The following ERMP1 variants were observed in gnomAD, a reference collection of about 807,000 sequenced individuals.
ERMP1 encodes the protein endoplasmic reticulum metallopeptidase 1.
In ERMP1, 86 loss-of-function variants were observed where a neutral mutation model predicts 92.0. That is an observed-to-expected ratio of 0.93 (90% CI 0.79 to 1.12). The LOEUF (loss-of-function observed/expected upper bound fraction) is 1.12. ERMP1 is among the 50% of genes most tolerant of loss of function. The probability of loss-of-function intolerance (pLI) is 0.00; values close to 1 mark genes in which losing one functional copy is unlikely to be tolerated. For missense variants in ERMP1, 1,342 were observed against 1,116.3 expected, an observed-to-expected ratio of 1.20 and a Z score of -2.88; for synonymous variants, 530 against 412.8, an observed-to-expected ratio of 1.28 and a Z score of -3.44.
At chr9:5,802,012 TCA>T (rs1262528510) in intron 10 of ERMP1, among the ~76,000 whole-genome samples, 1 of 152,220 alleles carries the variant, frequency 6.6e-6, no homozygotes, top group Non-Finnish European at 1.5e-5. Flanking sequence ...CACACACGAC[TCA>T]CAGAGTATGT....
chr9:5,792,080 T>TACC (rs1301713862), intron 13 of ERMP1, among the ~76,000 whole-genome samples: 1 of 152,160 alleles, frequency 6.6e-6, no homozygotes, highest in Non-Finnish European at 1.5e-5. Context: ...GTATCACTCA[T>TACC]ACCAGAAGTA....
intron 6 of ERMP1, among the ~76,000 whole-genome samples, chr9:5,858,353 G>A (rs1563784955): frequency 6.6e-6 from 1 of 152,192 alleles, no homozygotes; most frequent in Non-Finnish European, 1.5e-5. Context: ...TGAGCTCACA[G>A]GAGGGTAAGA....
At chr9:5,832,508 C>T in intron 1 of ERMP1, 182 bp downstream of exon 1, 1 of 496,774 alleles carries the variant, frequency 2.0e-6, no homozygotes. Flanking sequence ...AGCCCCAAGT[C>T]CCGGCAATTC....
At chr9:5,855,448 A>T (rs1830362420) in intron 6 of ERMP1, among the ~76,000 whole-genome samples, 2 of 152,346 alleles carry the variant, frequency 1.3e-5, no homozygotes, top group South Asian at 4.1e-4. Context: ...TGAGGGGATG[A>T]GGAGAACCAA....
At chr9:5,821,188 C>A (rs1341678119) in intron 4 of ERMP1, among the ~76,000 whole-genome samples, 1 of 152,166 alleles carries the variant, frequency 6.6e-6, no homozygotes, top group African/African-American at 2.4e-5. Flanking sequence ...TTAAAGTGAT[C>A]ATATACATTG....
intron 10 of ERMP1, among the ~76,000 whole-genome samples, chr9:5,803,262 A>G (rs771126889): frequency 6.6e-6 from 1 of 152,220 alleles, no homozygotes; most frequent in African/African-American, 2.4e-5. Flanking sequence ...AAAGAGTGAT[A>G]ACTCATGGCA....
chr9:5,824,226 G>A (rs1016113560), intron 3 of ERMP1, among the ~76,000 whole-genome samples: 1 of 152,164 alleles, frequency 6.6e-6, no homozygotes, highest in Non-Finnish European at 1.5e-5. Flanking sequence ...GCAGCCTGGT[G>A]ACCATCAGCG....
chr9:5,832,625 C>T (rs1829992993), intron 1 of ERMP1, 65 bp downstream of exon 1: 1 of 1,260,968 alleles, frequency 7.9e-7, no homozygotes, highest in South Asian at 1.8e-5. Context: ...AGGTGCGGTG[C>T]CCCGGAGCCT....
intron 5 of ERMP1, among the ~76,000 whole-genome samples, chr9:5,866,445 G>C (rs1187016013): frequency 1.3e-5 from 2 of 152,144 alleles, no homozygotes; most frequent in Admixed American, 6.5e-5. Context: ...ACACAGCCTG[G>C]GGGCTGTGCG....
intron 5 of ERMP1, among the ~76,000 whole-genome samples, chr9:5,867,000 G>A (rs1830688860): frequency 6.6e-6 from 1 of 152,194 alleles, no homozygotes; most frequent in Non-Finnish European, 1.5e-5. Context: ...GAACCCAGGA[G>A]TTTGAGCAAC....
At chr9:5,791,918 G>C (rs1828213607) in intron 13 of ERMP1, among the ~76,000 whole-genome samples, 1 of 152,182 alleles carries the variant, frequency 6.6e-6, no homozygotes. Context: ...AAGATGGTCA[G>C]TGTTACAACA....
Position 5,797,929 on chromosome 9 carries a change from T to G in ERMP1, c.2274A>C (p.Lys758Asn). The change falls in exon 13 of 15, where the codon AAA becomes AAC. Residue 758 changes from lysine to asparagine, a missense_variant. Transcript: ENST00000339450. ...WYLPVHFLIR[K>N]NWYLPAPEVS... ...CTTCTGGGGCAGGAAGATACCAGTT[T>G]TTCCTATTTAGAAAGGAAGCTTCAG... 6.2e-7 allele frequency: 1 copy of G among 1,600,870 alleles called. No homozygotes were observed. Among genetic ancestry groups the G allele is most frequent in the Non-Finnish European group, 8.6e-7 (1 of 1,169,020 alleles).
At chr9:5,862,123 G>A (rs1830518090) in intron 5 of ERMP1, among the ~76,000 whole-genome samples, 1 of 151,984 alleles carries the variant, frequency 6.6e-6, no homozygotes, top group Non-Finnish European at 1.5e-5. Flanking sequence ...TCTACCTCCT[G>A]GGCCCAAGTG....
intron 6 of ERMP1, among the ~76,000 whole-genome samples, chr9:5,846,304 C>T (rs564462100): frequency 1.2e-4 from 18 of 152,256 alleles, no homozygotes; most frequent in East Asian, 5.8e-4. Context: ...ACCCCTCCCC[C>T]GCCACCCACC....
intron 4 of ERMP1, among the ~76,000 whole-genome samples, chr9:5,815,803 A>C (rs1032677970): frequency 6.6e-6 from 1 of 152,200 alleles, no homozygotes; most frequent in Admixed American, 6.5e-5. Context: ...TATCATTAAT[A>C]ATGAGACAAA....
chr9:5,852,012 A>C lies in ERMP1; in HGVS notation n.3199+7456T>G, dbSNP rs956446203. Among the ~76,000 whole-genome samples, 4 of 152,328 alleles carry C rather than the reference A, an allele frequency of 2.6e-5. No individual in the cohort carries two copies. In the East Asian group the frequency reaches 5.8e-4, roughly 22 times the overall value. On this transcript the variant is annotated intron_variant and non_coding_transcript_variant, in intron 6 of 6. Transcript: ENST00000690753. ...ATAAATAAAAAAGCTCCCATTTCAAAGTAAAAATGAAATCTAAGATTATAT... is the reference window on the plus strand; with the variant it reads ...ATAAATAAAAAAGCTCCCATTTCAACGTAAAAATGAAATCTAAGATTATAT...
intron 13 of ERMP1, among the ~76,000 whole-genome samples, chr9:5,788,668 T>C (rs1468366021): frequency 6.6e-6 from 1 of 151,822 alleles, no homozygotes; most frequent in African/African-American, 2.4e-5. Flanking sequence ...CATACAGTTA[T>C]TACCAAAAAA....
At chr9:5,798,586 T>C (rs1307803476) in intron 12 of ERMP1, among the ~76,000 whole-genome samples, 2 of 151,920 alleles carry the variant, frequency 1.3e-5, no homozygotes, top group African/African-American at 4.8e-5. Flanking sequence ...ACCACTCAGG[T>C]TTCTAGAGAA....
In ERMP1 at chr9:5,812,977, A is replaced by T. The variant is rs372682795; in HGVS notation, c.933T>A (p.Ala311=). 6.2e-7 allele frequency: 1 copy of T among 1,613,972 alleles called. No individual in the cohort carries two copies. The highest frequency in any genetic ancestry group is 8.5e-7 in the Non-Finnish European group (1 of 1,179,948). Residue 311 remains alanine (A), a synonymous_variant, in exon 5 of 15, where the codon GCT becomes GCA. Coordinates refer to ENST00000339450, the MANE Select transcript of ERMP1 (RefSeq NM_024896.3). ...AYVSAAKHPF[A]SVVAQEVFQS... ...GAAAAACCTCCTGAGCCACCACAGA[A>T]GCAAAAGGGTGTTTAGCTGCTGAAA...
Sources: allele counts gnomAD v4.1 joint callset (sites outside exome capture counted in the v4.1 genomes callset), GRCh38; gene constraint gnomAD v4.1.1; transcripts MANE v1.5; gene names NCBI Gene and HGNC (gene_info 2026-07-23, HGNC 2026-07-21).